The following MAML3 variants were observed in gnomAD, a reference collection of about 807,000 sequenced individuals.
MAML3 encodes mastermind like transcriptional coactivator 3.
MAML3 carries 27 observed loss-of-function variants against 101.9 expected under a neutral mutation model. The observed-to-expected ratio is 0.27, with a 90% CI of 0.20 to 0.37. The LOEUF is 0.37. MAML3 is among the 10% of genes least tolerant of loss of function. The pLI is 1.00. For synonymous variants in MAML3, 501 were observed against 555.9 expected (o/e 0.90, Z 1.39); for missense variants, 1,316 against 1,444.9 (o/e 0.91, Z 1.45).
intron 1 of MAML3, among the ~76,000 whole-genome samples, chr4:140,147,771 C>T (rs964401868): frequency 3.9e-5 from 6 of 152,160 alleles, no homozygotes; most frequent in South Asian, 2.1e-4. Flanking sequence ...GAGTATAAGA[C>T]AGGACTGTTA....
chr4:139,838,920 G>C (rs1731309558), intron 2 of MAML3, among the ~76,000 whole-genome samples: 1 of 152,160 alleles, frequency 6.6e-6, no homozygotes, highest in Non-Finnish European at 1.5e-5. Context: ...TTGACATAGT[G>C]TCAGCAACAT....
chr4:139,806,377 G>C (rs901976000), intron 2 of MAML3, among the ~76,000 whole-genome samples: 8 of 152,066 alleles, frequency 5.3e-5, no homozygotes, highest in African/African-American at 1.9e-4. Flanking sequence ...CAGATGTTCA[G>C]TCTCACTAAT....
At chr4:140,118,801 G>A (rs978173481) in intron 1 of MAML3, among the ~76,000 whole-genome samples, 9 of 152,074 alleles carry the variant, frequency 5.9e-5, no homozygotes, top group South Asian at 2.1e-4. Flanking sequence ...CATTCTCTCC[G>A]ATTGCAAAAA....
chr4:140,105,359 C>T (rs1025133579), intron 1 of MAML3, among the ~76,000 whole-genome samples: 4 of 152,196 alleles, frequency 2.6e-5, no homozygotes, highest in Non-Finnish European at 5.9e-5. Context: ...AGCAACTCGA[C>T]TATCCTGGTC....
intron 1 of MAML3, among the ~76,000 whole-genome samples, chr4:139,951,282 T>C (rs2110758101): frequency 6.6e-6 from 1 of 152,334 alleles, no homozygotes; most frequent in East Asian, 1.9e-4. Flanking sequence ...CCACGCTGCC[T>C]TCAGTGTTGA....
intron 1 of MAML3, among the ~76,000 whole-genome samples, chr4:140,094,936 G>A (rs1373378717): frequency 1.3e-5 from 2 of 152,192 alleles, no homozygotes; most frequent in Non-Finnish European, 2.9e-5. Context: ...CTAGCTGTGC[G>A]TGGCAGCCCA....
chr4:139,847,862 A>G (rs1731477346), intron 2 of MAML3, among the ~76,000 whole-genome samples: 1 of 152,336 alleles, frequency 6.6e-6, no homozygotes, highest in Admixed American at 6.5e-5. Context: ...CCAGAAATCT[A>G]CATGGGACTC....
chr4:139,825,800 T>G (rs566078445), intron 2 of MAML3, among the ~76,000 whole-genome samples: 1 of 150,448 alleles, frequency 6.6e-6, no homozygotes, highest in African/African-American at 2.4e-5. Flanking sequence ...CTTTTATACC[T>G]GCAAATGCTG....
intron 1 of MAML3, among the ~76,000 whole-genome samples, chr4:140,071,472 T>C (rs1461428032): frequency 6.6e-6 from 1 of 152,200 alleles, no homozygotes; most frequent in Non-Finnish European, 1.5e-5. Flanking sequence ...ATCGTGGACA[T>C]TCCCATTAAC....
chr4:139,734,638 T>G (rs956043238), intron 2 of MAML3, among the ~76,000 whole-genome samples: 2 of 152,252 alleles, frequency 1.3e-5, no homozygotes, highest in African/African-American at 4.8e-5. Flanking sequence ...AAAAGCACCC[T>G]TACCTCCCCC....
At position 139,980,789 on chromosome 4, in the gene MAML3, G is replaced by A. The variant is rs530170923; in HGVS notation, c.469-89822C>T. On this transcript the variant is annotated intron_variant, in intron 1 of 4. Transcript: ENST00000509479. ...CTCGTATTCTGCTGCAGGAAGACAG[G>A]CAATACATGAATAAACAAGTAATAA... Among the ~76,000 whole-genome samples the A allele has an allele frequency of 3.1e-4, 47 of 152,242 alleles. 2 individuals carry two copies. Among genetic ancestry groups the A allele is most frequent in the Admixed American group, 2.9e-3 (45 of 15,284 alleles).
intron 2 of MAML3, among the ~76,000 whole-genome samples, chr4:139,798,084 GAAA>G (rs1459772595): frequency 8.1e-5 from 9 of 111,412 alleles, no homozygotes; most frequent in Non-Finnish European, 2.0e-5. Context: ...AAGAAAGAAA[GAAA>G]GAAAGAAAAG....
At chr4:139,858,452 C>CTT (rs59968954) in intron 2 of MAML3, among the ~76,000 whole-genome samples, 5 of 131,388 alleles carry the variant, frequency 3.8e-5, no homozygotes, top group South Asian at 2.3e-4. Context: ...TGATTCTTGG[C>CTT]TTTTTTTTTT....
intron 2 of MAML3, among the ~76,000 whole-genome samples, chr4:139,829,020 AGGAC>A (rs746746675): frequency 0.24 from 29,033 of 120,310 alleles, 3,948 homozygotes; most frequent in Admixed American, 0.34. Flanking sequence ...GAAGGAAGGA[AGGAC>A]GGACGGACGG....
chr4:139,927,830 G>A (rs1350214600), intron 1 of MAML3, among the ~76,000 whole-genome samples: 1 of 152,094 alleles, frequency 6.6e-6, no homozygotes, highest in Non-Finnish European at 1.5e-5. Context: ...ACTTTAAGAT[G>A]TTTCAGGTTT....
rs1237568973 is a variant in MAML3 at position 139,889,854 on chromosome 4, A to G, written c.1582T>C (p.Tyr528His). The G allele has an allele frequency of 6.2e-7, 1 of 1,613,640 alleles. No individual in the cohort carries two copies. The highest frequency in any genetic ancestry group is 1.3e-5 in the African/African-American group (1 of 74,880). ...WSPLGPPSSP[Y>H]GAAFTAEKPN... is the part of the protein sequence containing the mutation. Reference sequence around the variant, plus strand: ...TTTTCTGCAGTAAAAGCTGCTCCATATGGACTAGAGGGAGGTCCTAAGGGA... The same window carrying G: ...TTTTCTGCAGTAAAAGCTGCTCCATGTGGACTAGAGGGAGGTCCTAAGGGA... The change falls in exon 2 of 5, where the codon TAT (tyrosine) becomes CAT (histidine). Residue 528 changes from tyrosine (Y) to histidine (H), a missense_variant. Physicochemically the swap from Tyr to His is moderately conservative, Grantham distance 83 (BLOSUM62 2). Transcript: ENST00000509479.
intron 1 of MAML3, among the ~76,000 whole-genome samples, chr4:140,059,774 A>G (rs1395239223): frequency 2.0e-5 from 3 of 152,326 alleles, no homozygotes; most frequent in South Asian, 4.1e-4. Context: ...GATATAGGAA[A>G]AAATTAAAGG....
chr4:140,042,145 G>A (rs1578655838), intron 1 of MAML3, among the ~76,000 whole-genome samples: 1 of 152,106 alleles, frequency 6.6e-6, no homozygotes, highest in African/African-American at 2.4e-5. Flanking sequence ...CCAAGTATCC[G>A]ACTCCCAACC....
intron 1 of MAML3, among the ~76,000 whole-genome samples, chr4:140,147,850 A>G (rs1446481829): frequency 1.3e-5 from 2 of 152,198 alleles, no homozygotes; most frequent in Admixed American, 1.3e-4. Flanking sequence ...TTTAACATGC[A>G]AAACAGGTTC....
Sources: gnomAD v4.1 joint callset for allele counts (sites outside exome capture counted in the v4.1 genomes callset) on GRCh38, gnomAD v4.1.1 for gene constraint, MANE v1.5 for transcripts, NCBI Gene and HGNC (gene_info 2026-07-23, HGNC 2026-07-21) for gene names.